Variants in TDRD12 observed in about 807,000 individuals in gnomAD.
TDRD12 encodes the protein putative ATP-dependent RNA helicase TDRD12.
In TDRD12, 158 loss-of-function variants were observed where a neutral mutation model predicts 133.5. The ratio of observed to expected loss-of-function variants is 1.18; its 90% CI spans 1.04 to 1.35. The LOEUF (loss-of-function observed/expected upper bound fraction) is 1.35. Ranked by LOEUF, TDRD12 falls within the 40% of genes most tolerant of loss-of-function variation. The pLI, the probability that TDRD12 is intolerant of heterozygous loss-of-function variation, is 0.00. For synonymous variants in TDRD12, 460 were observed against 477.9 expected, an observed-to-expected ratio of 0.96 and a Z score of 0.49; for missense variants, 1,443 against 1,321.3, an observed-to-expected ratio of 1.09 and a Z score of -1.43.
intron 8 of TDRD12, among the ~76,000 whole-genome samples, chr19:32,764,005 C>A (rs1034916508): frequency 4.0e-5 from 6 of 151,762 alleles, no homozygotes; most frequent in Admixed American, 3.3e-4. Context: ...TTTTTACATG[C>A]TCGACTGGAA....
At chr19:32,817,820 G>A (rs192724650) in intron 26 of TDRD12, among the ~76,000 whole-genome samples, 5 of 150,496 alleles carry the variant, frequency 3.3e-5, no homozygotes, top group South Asian at 2.1e-4. Context: ...GCCTCTGTGC[G>A]CTTGTGCAAT....
At chr19:32,806,575 C>G (rs1394308955) in intron 21 of TDRD12, among the ~76,000 whole-genome samples, 2 of 152,110 alleles carry the variant, frequency 1.3e-5, no homozygotes, top group African/African-American at 4.8e-5. Context: ...CCCCTCACCT[C>G]AAGTGATCCG....
At chr19:32,815,587 T>C in exon 26 of TDRD12, 1 of 1,536,196 alleles carries the variant, frequency 6.5e-7, no homozygotes, top group South Asian at 1.2e-5. Context: ...GATGCTAAGA[T>C]ACCAGCTTGT....
At chr19:32,811,107 C>T (rs1049818064) in intron 23 of TDRD12, 103 bp from the exon 24 acceptor site, 19 of 879,606 alleles carry the variant, frequency 2.2e-5, no homozygotes, top group South Asian at 3.5e-5. Context: ...AAAATCATGG[C>T]GTTTTGGAGT....
chr19:32,745,733 CT>C (rs1969586431), intron 4 of TDRD12, among the ~76,000 whole-genome samples: 1 of 136,956 alleles, frequency 7.3e-6, no homozygotes, highest in Non-Finnish European at 1.5e-5. Context: ...GGGAGAGAGA[CT>C]GGCTGATGTG....
chr19:32,724,116 C>T (rs974173704), intron 1 of TDRD12, among the ~76,000 whole-genome samples: 6 of 152,208 alleles, frequency 3.9e-5, no homozygotes, highest in Non-Finnish European at 2.9e-5. Flanking sequence ...CCACCTCAGC[C>T]TCCCAAAGTA....
chr19:32,735,075 A>G (rs1210103028), intron 2 of TDRD12, among the ~76,000 whole-genome samples: 2 of 152,182 alleles, frequency 1.3e-5, no homozygotes, highest in African/African-American at 2.4e-5. Flanking sequence ...TAACCCTACA[A>G]TGGCCCCTAA....
chr19:32,797,617 A>T, intron 14 of TDRD12, 118 bp from the exon 15 acceptor site: 2 of 540,128 alleles, frequency 3.7e-6, no homozygotes, highest in Non-Finnish European at 6.6e-6. Flanking sequence ...CTGTATGATG[A>T]TTATAGCAGA....
At chr19:32,768,884 C>T (rs988087223) in intron 8 of TDRD12, among the ~76,000 whole-genome samples, 4 of 152,116 alleles carry the variant, frequency 2.6e-5, no homozygotes, top group African/African-American at 2.4e-5. Flanking sequence ...TTCCTGTTTA[C>T]GTGTTTTCTT....
At chr19:32,756,465 G>A (rs1222594081) in intron 7 of TDRD12, among the ~76,000 whole-genome samples, 1 of 151,758 alleles carries the variant, frequency 6.6e-6, no homozygotes, top group Non-Finnish European at 1.5e-5. Flanking sequence ...TCGGCTCACT[G>A]CAAGCTCCTC....
chr19:32,802,175 C>CATATATATATATGATATATATG (rs980463330), intron 19 of TDRD12, among the ~76,000 whole-genome samples: 1 of 138,212 alleles, frequency 7.2e-6, no homozygotes, highest in African/African-American at 2.8e-5. Context: ...TAATATATAT[C>CATATATATATATGATATATATG]ATATATATGA....
intron 2 of TDRD12, among the ~76,000 whole-genome samples, chr19:32,734,320 G>C (rs1228558761): frequency 6.6e-6 from 1 of 151,652 alleles, no homozygotes; most frequent in Admixed American, 6.6e-5. Flanking sequence ...CACATTTTTG[G>C]TGTCGAGAGG....
At chr19:32,818,968 G>T (rs1397337777) in intron 27 of TDRD12, among the ~76,000 whole-genome samples, 1 of 152,014 alleles carries the variant, frequency 6.6e-6, no homozygotes, top group Non-Finnish European at 1.5e-5. Context: ...GGCCTGCTGG[G>T]TTAGTGGTTG....
intron 6 of TDRD12, among the ~76,000 whole-genome samples, chr19:32,754,785 T>C (rs1365279521): frequency 4.7e-5 from 7 of 149,990 alleles, no homozygotes; most frequent in Non-Finnish European, 8.9e-5. Context: ...CCAGTAATTA[T>C]CCAGCCTCAG....
intron 13 of TDRD12, among the ~76,000 whole-genome samples, 155 bp from the exon 14 acceptor site, chr19:32,794,473 C>T (rs1201985129): frequency 5.9e-5 from 9 of 152,044 alleles, no homozygotes; most frequent in African/African-American, 1.9e-4. Context: ...GAGGTTGGTA[C>T]TGAGAAAAGA....
intron 14 of TDRD12, 114 bp downstream of exon 14, chr19:32,794,927 C>G: frequency 1.6e-6 from 1 of 618,828 alleles, no homozygotes; most frequent in Non-Finnish European, 2.9e-6. Context: ...TTCAAACTTC[C>G]AGGCCAGAAA....
chr19:32,811,613 C>T (rs1339175895), intron 24 of TDRD12, among the ~76,000 whole-genome samples, 193 bp downstream of exon 24: 1 of 152,204 alleles, frequency 6.6e-6, no homozygotes, highest in Non-Finnish European at 1.5e-5. Context: ...GCAACACTGT[C>T]TTCACCACTG....
At chr19:32,804,462 G>A (rs1043402993) in intron 21 of TDRD12, among the ~76,000 whole-genome samples, 1 of 150,928 alleles carries the variant, frequency 6.6e-6, no homozygotes, top group East Asian at 2.0e-4. Flanking sequence ...GGGAGGCCGA[G>A]GCAGGCAGAT....
intron 2 of TDRD12, among the ~76,000 whole-genome samples, chr19:32,735,685 G>T (rs1056212504): frequency 3.3e-5 from 5 of 152,132 alleles, no homozygotes; most frequent in African/African-American, 1.2e-4. Context: ...AATAGGAGAA[G>T]TCAGCCAGGT....
Sources: allele counts gnomAD v4.1 joint callset (sites outside exome capture counted in the v4.1 genomes callset), GRCh38; gene constraint gnomAD v4.1.1; transcripts MANE v1.5; gene names NCBI Gene and HGNC (gene_info 2026-07-23, HGNC 2026-07-21).